The following CCDC148 variants were observed in gnomAD, a reference collection of about 807,000 sequenced individuals.
CCDC148 encodes coiled-coil domain-containing protein 148.
In CCDC148, 89 loss-of-function variants were observed where a neutral mutation model predicts 85.7. That is an observed-to-expected ratio of 1.04 (90% confidence interval 0.87 to 1.24). The LOEUF is 1.24. Ranked by LOEUF, CCDC148 falls within the 50% of genes most tolerant of loss-of-function variation. The probability of loss-of-function intolerance (pLI) is 0.00; values close to 1 mark genes in which losing one functional copy is unlikely to be tolerated. For missense variants in CCDC148, 692 were observed against 671.7 expected (o/e 1.03, Z -0.33); for synonymous variants, 230 against 213.9 (o/e 1.08, Z -0.66).
intron 1 of CCDC148, among the ~76,000 whole-genome samples, chr2:158,433,087 A>ATAT (rs1242018411): frequency 3.1e-3 from 159 of 51,588 alleles, no homozygotes; most frequent in Middle Eastern, 9.3e-3. Flanking sequence ...AAAAAAAAAA[A>ATAT]AAAAATATAT....
chr2:158,432,229 T>A (rs532828599), intron 1 of CCDC148, among the ~76,000 whole-genome samples: 2 of 146,736 alleles, frequency 1.4e-5, no homozygotes, highest in Admixed American at 1.3e-4. Flanking sequence ...AAAAAGATGA[T>A]GAAAATAAAA....
intron 9 of CCDC148, among the ~76,000 whole-genome samples, chr2:158,291,676 C>T (rs1043431481): frequency 2.0e-5 from 3 of 152,298 alleles, no homozygotes; most frequent in East Asian, 1.9e-4. Flanking sequence ...GTGTATACTG[C>T]ACTCCATAAC....
intron 10 of CCDC148, among the ~76,000 whole-genome samples, chr2:158,227,419 C>T (rs1687604813): frequency 6.6e-6 from 1 of 152,068 alleles, no homozygotes; most frequent in Non-Finnish European, 1.5e-5. Context: ...CCCCATCAAG[C>T]TACCAATGAC....
intron 10 of CCDC148, among the ~76,000 whole-genome samples, chr2:158,222,145 G>T (rs982018712): frequency 6.6e-6 from 1 of 152,026 alleles, no homozygotes; most frequent in African/African-American, 2.4e-5. Flanking sequence ...TTTTTTAAAA[G>T]AACAGATATG....
intron 10 of CCDC148, among the ~76,000 whole-genome samples, chr2:158,221,635 T>G (rs1003869530): frequency 1.3e-5 from 2 of 152,126 alleles, no homozygotes; most frequent in Non-Finnish European, 2.9e-5. Context: ...CAGAGGTGAA[T>G]AGGAAAATCT....
At chr2:158,210,536 C>A (rs1416739804) in intron 11 of CCDC148, among the ~76,000 whole-genome samples, 1 of 152,072 alleles carries the variant, frequency 6.6e-6, no homozygotes, top group Non-Finnish European at 1.5e-5. Flanking sequence ...ATCACACTTA[C>A]TCTAAAATTG....
Position 158,422,851 on chromosome 2 carries a change from A to C in CCDC148, c.25+33564T>G, listed in dbSNP as rs188846110. Among the ~76,000 whole-genome samples the C allele has an allele frequency of 2.2e-3, 335 of 151,030 alleles. 1 individual carries two copies. The Middle Eastern group carries it at 0.024, about 11-fold the overall frequency. On this transcript the variant is annotated intron_variant, in intron 1 of 13. Transcript: ENST00000283233. ...TAGAAAACCCCATTGTTTCAGCCCA[A>C]AATCTCCTTAAGCTAGTAAGCAACT...
At chr2:158,255,997 A>G (rs1286250848) in intron 9 of CCDC148, among the ~76,000 whole-genome samples, 2 of 151,820 alleles carry the variant, frequency 1.3e-5, no homozygotes, top group Non-Finnish European at 2.9e-5. Context: ...GTAGCATTAC[A>G]TGTACTCCTC....
chr2:158,312,044 GT>G (rs1692044938), intron 8 of CCDC148, among the ~76,000 whole-genome samples: 2 of 152,154 alleles, frequency 1.3e-5, no homozygotes, highest in African/African-American at 4.8e-5. Flanking sequence ...TATTTTGCCA[GT>G]ATAGACCATG....
At chr2:158,342,096 C>T (rs1342653368) in intron 3 of CCDC148, among the ~76,000 whole-genome samples, 1 of 126,822 alleles carries the variant, frequency 7.9e-6, no homozygotes, top group Non-Finnish European at 1.6e-5. Context: ...ATGGCGTGAT[C>T]TCGACTCATT....
intron 1 of CCDC148, among the ~76,000 whole-genome samples, chr2:158,374,784 C>A (rs1684589697): frequency 6.6e-6 from 1 of 151,944 alleles, no homozygotes; most frequent in South Asian, 2.1e-4. Flanking sequence ...CTCTCAGTAT[C>A]TGCAGGGGAC....
chr2:158,267,274 C>T (rs1689508783), intron 9 of CCDC148, among the ~76,000 whole-genome samples: 1 of 152,094 alleles, frequency 6.6e-6, no homozygotes, highest in Non-Finnish European at 1.5e-5. Context: ...AATGCCCTGC[C>T]ACACCTACAC....
chr2:158,277,066 A>G (rs921208222), intron 9 of CCDC148, among the ~76,000 whole-genome samples: 14 of 152,200 alleles, frequency 9.2e-5, no homozygotes, highest in African/African-American at 3.4e-4. Flanking sequence ...TCTTTGACAG[A>G]TGAAGAAATT....
At chr2:158,204,467 T>A (rs1052461697) in intron 11 of CCDC148, among the ~76,000 whole-genome samples, 8 of 152,164 alleles carry the variant, frequency 5.3e-5, no homozygotes, top group African/African-American at 1.9e-4. Context: ...GACAATCTCC[T>A]GGAGCTCAGA....
intron 2 of CCDC148, among the ~76,000 whole-genome samples, chr2:158,351,468 G>GGTGACGGACA (rs66489252): frequency 5.2e-4 from 1 of 1,928 alleles, no homozygotes; most frequent in African/African-American, 2.3e-3. Context: ...CAAAGAAAGG[G>GGTGACGGACA]GCACCTGGAA....
chr2:158,243,357 G>T (rs1366695369), intron 10 of CCDC148, among the ~76,000 whole-genome samples: 1 of 151,896 alleles, frequency 6.6e-6, no homozygotes, highest in South Asian at 2.1e-4. Context: ...TCAAATTTTG[G>T]GGGACTATTA....
chr2:158,345,894 T>G (rs181813368), intron 2 of CCDC148, among the ~76,000 whole-genome samples: 204 of 152,370 alleles, frequency 1.3e-3, no homozygotes, highest in African/African-American at 4.6e-3. Flanking sequence ...ACTAGAAATA[T>G]GACCTTGAAC....
At position 158,338,863 on chromosome 2, in the gene CCDC148, T is replaced by G; in HGVS notation, c.627A>C (p.Glu209Asp). 5 of 1,611,350 alleles carry G rather than the reference T, an allele frequency of 3.1e-6. No homozygotes were observed. Among genetic ancestry groups the G allele is most frequent in the African/African-American group, 1.3e-5 (1 of 74,776 alleles). The part of the protein sequence containing the change: ...SLEEKTNPLS[E>D]LPIELESLEC... ...CCAAACTTTCTAATTCAATGGGCAG[T>G]TCACTAAGCGGGTTAGTCTTTTCTT... The change falls in exon 7 of 14, where the codon GAA becomes GAC. Residue 209 changes from glutamate (E) to aspartate (D), a missense_variant. Coordinates refer to ENST00000283233, the MANE Select transcript of CCDC148 (RefSeq NM_138803.4).
Position 158,331,714 on chromosome 2 carries a change from GGATA to G in CCDC148, c.764+7008_764+7011del, listed in dbSNP as rs1409144280. 5.3e-5 allele frequency among the ~76,000 whole-genome samples: 8 copies of G among 152,246 alleles called. No individual in the cohort carries two copies. In the South Asian group the frequency reaches 1.5e-3, roughly 28 times the overall value. On this transcript the variant is annotated intron_variant, in intron 7 of 13. Coordinates refer to ENST00000283233, the MANE Select transcript of CCDC148 (RefSeq NM_138803.4). The stretch of plus-strand genomic sequence containing the variant: ...CCTGTATTGGGTGCACATATATTTA[GGATA>G]GTTAGCTCTTCTTGTTGAATTGATC...
Sources: allele counts gnomAD v4.1 joint callset (sites outside exome capture counted in the v4.1 genomes callset), GRCh38; gene constraint gnomAD v4.1.1; transcripts MANE v1.5; gene names NCBI Gene and HGNC (gene_info 2026-07-23, HGNC 2026-07-21).